Variants in RUVBL2 observed in about 807,000 individuals in gnomAD.
RUVBL2 encodes RuvB like AAA ATPase 2, also known as ruvB-like 2.
Under a neutral mutation model 57.9 loss-of-function variants are expected in RUVBL2, and 9 were observed. That is an observed-to-expected ratio of 0.16 (90% CI 0.09 to 0.27). RUVBL2 has a LOEUF of 0.27. RUVBL2 is among the 10% of genes least tolerant of loss of function. RUVBL2 has a pLI of 1.00. For missense variants in RUVBL2, 456 were observed against 669.6 expected (o/e 0.68, Z 3.52); for synonymous variants, 278 against 264.6 (o/e 1.05, Z -0.49).
At chr19:49,009,182 AAAAAAAAAAAAAAAG>A (rs2039347766) in intron 6 of RUVBL2, among the ~76,000 whole-genome samples, 3 of 137,964 alleles carry the variant, frequency 2.2e-5, no homozygotes, top group Admixed American at 1.4e-4. Context: ...AAAAAAAAAA[AAAAAAAAAAAAAAAG>A]AGCTTTATTC....
At chr19:49,014,850 T>C (rs1339019756) in intron 12 of RUVBL2, among the ~76,000 whole-genome samples, 171 bp from the exon 13 acceptor site, 1 of 152,086 alleles carries the variant, frequency 6.6e-6, no homozygotes. Flanking sequence ...CGGTTTTAGG[T>C]CCAGCCCAGC....
chr19:49,009,544 C>T (rs2039363003), intron 6 of RUVBL2, among the ~76,000 whole-genome samples: 2 of 152,154 alleles, frequency 1.3e-5, no homozygotes, highest in Admixed American at 6.5e-5. Flanking sequence ...GTACACATTG[C>T]AAGTGTCCAG....
chr19:49,004,154 T>C, intron 3 of RUVBL2, 123 bp from the exon 4 acceptor site: 1 of 1,339,264 alleles, frequency 7.5e-7, no homozygotes, highest in Non-Finnish European at 1.0e-6. Flanking sequence ...GGGAAAGCTT[T>C]TTTGGCTTTT....
intron 2 of RUVBL2, among the ~76,000 whole-genome samples, chr19:49,002,178 A>G (rs1345224823): frequency 6.6e-6 from 1 of 151,776 alleles, no homozygotes; most frequent in African/African-American, 2.4e-5. Context: ...CCTCCCGAGT[A>G]TCTGAGACTA....
At position 49,010,072 on chromosome 19, in the gene RUVBL2, G is replaced by T. The variant is rs768738365; in HGVS notation, c.663+6G>T. ...ACGACGCTATGGGCTCCCAGGTGCG[G>T]CCGGGACTCCCGGGATCCCCTCGCC... On this transcript the variant is annotated splice_donor_region_variant and intron_variant, in intron 8 of 14. Transcript: ENST00000595090. 2.5e-6 allele frequency: 4 copies of T among 1,605,128 alleles called. No homozygotes were observed. In the South Asian group the frequency reaches 4.4e-5, roughly 18 times the overall value.
chr19:48,999,996 A>G (rs2039147425), intron 2 of RUVBL2, among the ~76,000 whole-genome samples: 1 of 152,182 alleles, frequency 6.6e-6, no homozygotes, highest in Admixed American at 6.6e-5. Flanking sequence ...TTCATGCAGC[A>G]GGCTCACTGA....
At chr19:48,993,535 C>T (rs901475615), upstream of RUVBL2, 3 of 446,548 alleles carry the variant, frequency 6.7e-6, no homozygotes, top group Non-Finnish European at 1.2e-5. Flanking sequence ...TCAGCTCTGT[C>T]AATCTGGAGC....
Position 49,011,665 on chromosome 19 carries a change from A to G in RUVBL2, c.1001+355A>G, listed in dbSNP as rs774005444. ...TCTGTTAGACATAACATAAACTACG[A>G]TTGTTCAGTCACTTCGACCCAGCAA... On this transcript the variant is annotated intron_variant, in intron 11 of 14. Transcript: ENST00000595090. The surrounding 1 kb of genome is among the most constrained non-coding windows in gnomAD (Gnocchi z 4.4). Among the ~76,000 whole-genome samples, 20 of 152,300 alleles carry G rather than the reference A, an allele frequency of 1.3e-4. No homozygotes were observed. The highest frequency in any genetic ancestry group is 4.6e-4 in the Admixed American group (7 of 15,306).
chr19:49,015,485 C>T, intron 13 of RUVBL2, 87 bp from the exon 14 acceptor site: 1 of 1,056,954 alleles, frequency 9.5e-7, no homozygotes, highest in South Asian at 1.3e-5. Flanking sequence ...ACTCTGCTGC[C>T]TAGAGCATGG....
At position 49,010,904 on chromosome 19, in the gene RUVBL2, C is replaced by T. The variant is rs541457988; in HGVS notation, c.788-95C>T. ...CCTCCTTGCTTTGCTCCCCTTCCTC[C>T]ATCCCTGGCATCATCCTTCTCTGTC... is the stretch of plus-strand genomic sequence containing the variant. On this transcript the variant is annotated intron_variant, in intron 9 of 14. Coordinates refer to ENST00000595090, the MANE Select transcript of RUVBL2 (RefSeq NM_006666.3). 26 of 1,132,840 alleles carry T rather than the reference C, an allele frequency of 2.3e-5. No homozygotes were observed. The African/African-American group carries it at 3.6e-4, about 16-fold the overall frequency. The allele number at this position is 1,132,840 out of a possible 1,614,324, so 70.2% of individuals were successfully genotyped here.
intron 11 of RUVBL2, among the ~76,000 whole-genome samples, chr19:49,012,693 C>T (rs183667628): frequency 2.6e-5 from 4 of 152,366 alleles, no homozygotes; most frequent in Admixed American, 6.5e-5. Context: ...ACTGCCTGCT[C>T]CCTTAGCGCT....
chr19:49,009,571 A>G (rs2039363528), intron 6 of RUVBL2, among the ~76,000 whole-genome samples: 1 of 152,220 alleles, frequency 6.6e-6, no homozygotes, highest in South Asian at 2.1e-4. Context: ...CCGTTGGGAC[A>G]TACATGTTCA....
chr19:48,996,793 C>T lies in RUVBL2; in HGVS notation c.13-2526C>T, dbSNP rs561253801. 1.3e-3 allele frequency among the ~76,000 whole-genome samples: 193 copies of T among 152,230 alleles called. 2 individuals carry two copies. Among genetic ancestry groups the T allele is most frequent in the African/African-American group, 4.4e-3 (184 of 41,542 alleles). On this transcript the variant is annotated intron_variant, in intron 1 of 14. Coordinates refer to ENST00000595090, the MANE Select transcript of RUVBL2 (RefSeq NM_006666.3). Reference sequence around the variant, plus strand: ...CCACCTGCCTTGACCTCCCAAAGTGCTGGGATTACGGGCGTGAGCCACCGT... The same window carrying T: ...CCACCTGCCTTGACCTCCCAAAGTGTTGGGATTACGGGCGTGAGCCACCGT...
chr19:49,011,535 A>G lies in RUVBL2; in HGVS notation c.1001+225A>G, dbSNP rs1410368815. Reference sequence around the variant, plus strand: ...CTGTCTTGCTGCTCCTTTAGCCCCCAAGGCTGCAGTCTTCAAACTGCGTGC... The same window carrying G: ...CTGTCTTGCTGCTCCTTTAGCCCCCGAGGCTGCAGTCTTCAAACTGCGTGC... On this transcript the variant is annotated intron_variant, in intron 11 of 14. Transcript: ENST00000595090. This position sits in a 1 kb window ranked among gnomAD's most constrained non-coding sequence, Gnocchi z 4.4. 2.0e-5 allele frequency among the ~76,000 whole-genome samples: 3 copies of G among 152,294 alleles called. No individual in the cohort carries two copies. The highest frequency in any genetic ancestry group is 1.9e-4 in the East Asian group (1 of 5,184).
intron 14 of RUVBL2, 56 bp from the exon 15 acceptor site, chr19:49,015,761 G>A (rs1320917866): frequency 6.2e-7 from 1 of 1,613,302 alleles, no homozygotes; most frequent in Non-Finnish European, 8.5e-7. Flanking sequence ...GGCGTAGAAG[G>A]CTCAGGCCCT....
chr19:49,003,250 CTG>C, intron 2 of RUVBL2, 27 bp from the exon 3 acceptor site: 1 of 1,498,236 alleles, frequency 6.7e-7, no homozygotes, highest in Middle Eastern at 1.8e-4. Context: ...TGGCTAGTAA[CTG>C]AGTCTTTGTT....
intron 1 of RUVBL2, among the ~76,000 whole-genome samples, chr19:48,996,855 G>A (rs1466510346): frequency 1.3e-5 from 2 of 151,884 alleles, no homozygotes; most frequent in African/African-American, 2.4e-5. Flanking sequence ...TAGAGACAGG[G>A]TTTCACCATG....
chr19:49,009,996 C>T lies in RUVBL2; in HGVS notation c.593C>T (p.Ala198Val), dbSNP rs531740101. 2.6e-5 allele frequency: 41 copies of T among 1,590,700 alleles called. No individual in the cohort carries two copies. Among genetic ancestry groups the T allele is most frequent in the East Asian group, 1.6e-4 (7 of 44,578 alleles). The change falls in exon 8 of 15, where the codon GCG (alanine) becomes GTG (valine). Residue 198 changes from alanine to valine, a missense_variant. Physicochemically the swap from Ala to Val is moderately conservative, Grantham distance 64. Transcript: ENST00000595090. ...AGGGACGTGATCACCATCGACAAGG[C>T]GACGGGCAAGATCTCCAAGCTGGGC... is the stretch of plus-strand genomic sequence containing the variant. ...QAGDVITIDKATGKISKLGRS... is the reference protein window; with the variant it reads ...QAGDVITIDKVTGKISKLGRS...
At chr19:48,999,181 G>T in intron 1 of RUVBL2, 138 bp from the exon 2 acceptor site, 1 of 873,398 alleles carries the variant, frequency 1.1e-6, no homozygotes, top group East Asian at 2.4e-5. Context: ...CAAGAGGGGT[G>T]GGGGTGACTG....
Sources: gnomAD v4.1 joint callset for allele counts (sites outside exome capture counted in the v4.1 genomes callset) on GRCh38, gnomAD v4.1.1 for gene constraint, Gnocchi (gnomAD v3.1) non-coding constraint, MANE v1.5 for transcripts, NCBI Gene and HGNC (gene_info 2026-07-23, HGNC 2026-07-21) for gene names.